GALNTL6: variants seen among roughly 807,000 people sequenced by gnomAD.
GALNTL6 encodes the protein polypeptide N-acetylgalactosaminyltransferase-like 6.
In GALNTL6, 46 loss-of-function variants were observed where a neutral mutation model predicts 73.7. The ratio of observed to expected loss-of-function variants is 0.62; its 90% CI spans 0.49 to 0.80. The LOEUF is 0.80. Ranked by LOEUF, GALNTL6 falls within the 30% of genes least tolerant of loss-of-function variation. The pLI is 0.00. For missense variants in GALNTL6, 604 were observed against 755.0 expected, an observed-to-expected ratio of 0.80 and a Z score of 2.34; for synonymous variants, 259 against 263.7, an observed-to-expected ratio of 0.98 and a Z score of 0.17.
At chr4:172,457,915 T>C (rs1732458133) in intron 5 of GALNTL6, among the ~76,000 whole-genome samples, 1 of 152,210 alleles carries the variant, frequency 6.6e-6, no homozygotes, top group South Asian at 2.1e-4. Flanking sequence ...TACATTCTTC[T>C]CAGCATCACA....
chr4:172,582,459 T>C (rs1737226788), intron 5 of GALNTL6, among the ~76,000 whole-genome samples: 2 of 152,182 alleles, frequency 1.3e-5, no homozygotes, highest in Non-Finnish European at 2.9e-5. Flanking sequence ...ACCCTTGGTA[T>C]CCATGGGTTC....
intron 2 of GALNTL6, among the ~76,000 whole-genome samples, chr4:171,914,780 T>TAAA (rs11447734): frequency 0.023 from 3,377 of 144,816 alleles, 60 homozygotes; most frequent in Non-Finnish European, 0.031. Context: ...GTAAAAATGA[T>TAAA]AAAAAAAAAA....
At chr4:172,336,868 A>G (rs552287179) in intron 4 of GALNTL6, among the ~76,000 whole-genome samples, 1 of 152,232 alleles carries the variant, frequency 6.6e-6, no homozygotes, top group South Asian at 2.1e-4. Context: ...CACCCCGTCC[A>G]TTATTGTATG....
chr4:173,016,694 C>T (rs1365790300), intron 11 of GALNTL6, among the ~76,000 whole-genome samples: 1 of 152,092 alleles, frequency 6.6e-6, no homozygotes, highest in Non-Finnish European at 1.5e-5. Context: ...AGGGTACTTG[C>T]CTTGTCTCAG....
chr4:172,004,221 C>A (rs1740760266), intron 2 of GALNTL6, among the ~76,000 whole-genome samples: 1 of 152,118 alleles, frequency 6.6e-6, no homozygotes, highest in Admixed American at 6.6e-5. Flanking sequence ...AGTTTGTCCC[C>A]ACAAAAGATT....
rs556822572 is a variant in GALNTL6 at position 172,811,876 on chromosome 4, C to T, written c.740-1664C>T. Reference sequence around the variant, plus strand: ...TTATTATGCTTATTAATTGTCTTTGCTTCATTCCTGAAGACAGAAATTTTT... The same window carrying T: ...TTATTATGCTTATTAATTGTCTTTGTTTCATTCCTGAAGACAGAAATTTTT... On this transcript the variant is annotated intron_variant, in intron 6 of 12. Coordinates refer to ENST00000506823, the MANE Select transcript of GALNTL6 (RefSeq NM_001034845.3). Among the ~76,000 whole-genome samples, 10 of 152,288 alleles carry T rather than the reference C, an allele frequency of 6.6e-5. No individual in the cohort carries two copies. The East Asian group carries it at 1.9e-3, about 29-fold the overall frequency.
At chr4:172,164,630 G>A (rs1238827582) in intron 2 of GALNTL6, among the ~76,000 whole-genome samples, 1 of 151,852 alleles carries the variant, frequency 6.6e-6, no homozygotes, top group Non-Finnish European at 1.5e-5. Flanking sequence ...TTTCTCGTTT[G>A]ATCCTCAGTC....
At chr4:172,853,653 CT>C (rs1268452662) in intron 7 of GALNTL6, among the ~76,000 whole-genome samples, 1 of 152,196 alleles carries the variant, frequency 6.6e-6, no homozygotes, top group Non-Finnish European at 1.5e-5. Flanking sequence ...TACAAAGTGA[CT>C]GACTAGCTAA....
At chr4:172,004,375 T>C (rs953243085) in intron 2 of GALNTL6, among the ~76,000 whole-genome samples, 1 of 152,130 alleles carries the variant, frequency 6.6e-6, no homozygotes, top group Non-Finnish European at 1.5e-5. Flanking sequence ...ATCAAAATGA[T>C]ACAGGGTTGG....
chr4:172,778,684 A>G (rs927828398), intron 5 of GALNTL6, among the ~76,000 whole-genome samples: 3 of 152,234 alleles, frequency 2.0e-5, no homozygotes, highest in African/African-American at 7.2e-5. Context: ...TAGCAGCAAT[A>G]TAAAAATATA....
intron 4 of GALNTL6, among the ~76,000 whole-genome samples, chr4:172,341,104 G>T (rs989676232): frequency 6.6e-6 from 1 of 152,192 alleles, no homozygotes; most frequent in African/African-American, 2.4e-5. Context: ...AGGGGAAATT[G>T]TATCCTGTTT....
intron 10 of GALNTL6, among the ~76,000 whole-genome samples, chr4:172,959,092 A>C (rs952485130): frequency 2.0e-5 from 3 of 152,136 alleles, no homozygotes; most frequent in African/African-American, 7.2e-5. Flanking sequence ...AATCCTTTTA[A>C]AGTGCGCTGC....
intron 5 of GALNTL6, among the ~76,000 whole-genome samples, chr4:172,707,754 A>C (rs894930143): frequency 1.3e-5 from 2 of 151,902 alleles, no homozygotes; most frequent in African/African-American, 4.8e-5. Flanking sequence ...CAACAAGCAG[A>C]GTAATTAGAA....
intron 4 of GALNTL6, among the ~76,000 whole-genome samples, chr4:172,345,839 A>G (rs1415137191): frequency 2.0e-5 from 3 of 152,228 alleles, no homozygotes; most frequent in Non-Finnish European, 4.4e-5. Context: ...GCATTGTCAA[A>G]CTGCTGATCA....
chr4:172,932,125 T>C (rs1214609723), intron 9 of GALNTL6, among the ~76,000 whole-genome samples: 1 of 152,218 alleles, frequency 6.6e-6, no homozygotes, highest in East Asian at 1.9e-4. Flanking sequence ...GATATAACTA[T>C]TTGGATCTTT....
intron 7 of GALNTL6, among the ~76,000 whole-genome samples, chr4:172,870,617 A>C (rs1272031044): frequency 3.3e-5 from 5 of 152,214 alleles, no homozygotes; most frequent in Non-Finnish European, 7.3e-5. Flanking sequence ...TTTGCTCCTC[A>C]AAACTTTAAG....
intron 2 of GALNTL6, among the ~76,000 whole-genome samples, chr4:172,128,489 G>GA (rs1269739006): frequency 6.6e-6 from 1 of 152,114 alleles, no homozygotes; most frequent in Non-Finnish European, 1.5e-5. Flanking sequence ...CAGACAATTA[G>GA]AGCTGAATTA....
intron 5 of GALNTL6, among the ~76,000 whole-genome samples, chr4:172,555,363 T>A (rs1012694536): frequency 6.6e-6 from 1 of 152,126 alleles, no homozygotes; most frequent in African/African-American, 2.4e-5. Flanking sequence ...GCATGTGCCA[T>A]GAATTACTCT....
intron 5 of GALNTL6, among the ~76,000 whole-genome samples, chr4:172,734,954 AC>A (rs1466772880): frequency 6.6e-6 from 1 of 152,118 alleles, no homozygotes; most frequent in African/African-American, 2.4e-5. Context: ...AGGTTTGGGA[AC>A]CTCTGACTAG....
Sources: gnomAD v4.1 joint callset for allele counts (sites outside exome capture counted in the v4.1 genomes callset) on GRCh38, gnomAD v4.1.1 for gene constraint, MANE v1.5 for transcripts, NCBI Gene and HGNC (gene_info 2026-07-23, HGNC 2026-07-21) for gene names.